The following SLC71A1 variants were observed in gnomAD, a reference collection of about 807,000 sequenced individuals.
SLC71A1 encodes the protein hippocampus abundant gene transcript 1.
chr1:100,039,984 C>T, the SLC71A1 span, among the ~76,000 whole-genome samples: 1 of 152,150 alleles, frequency 6.6e-6, no homozygotes, highest in East Asian at 1.9e-4. Flanking sequence ...AATTCTTAGC[C>T]TGCTTTGGGA....
At chr1:100,048,019 A>G in the SLC71A1 span, among the ~76,000 whole-genome samples, 1 of 152,118 alleles carries the variant, frequency 6.6e-6, no homozygotes, top group Non-Finnish European at 1.5e-5. Context: ...ATTGTTTTTC[A>G]GAGTTGAAAT....
the SLC71A1 span, chr1:100,069,783 A>T: frequency 2.6e-6 from 2 of 783,164 alleles, no homozygotes; most frequent in Non-Finnish European, 4.5e-6. Context: ...GAATCAACAA[A>T]GTCAGGAGTC....
chr1:100,068,692 A>G, the SLC71A1 span: 17 of 728,990 alleles, frequency 2.3e-5, no homozygotes, highest in Middle Eastern at 2.6e-4. Context: ...TTAAAAATGA[A>G]TATCATTGGA....
chr1:100,066,060 A>AACAG, the SLC71A1 span, among the ~76,000 whole-genome samples: 47 of 152,276 alleles, frequency 3.1e-4, no homozygotes, highest in African/African-American at 1.1e-3. Flanking sequence ...GTCTGCGGTT[A>AACAG]ACAGGTTTGC....
the SLC71A1 span, among the ~76,000 whole-genome samples, chr1:100,055,767 T>G: frequency 6.6e-6 from 1 of 152,140 alleles, no homozygotes; most frequent in African/African-American, 2.4e-5. Context: ...GTTTTTTGTT[T>G]TTTTGAGACG....
At chr1:100,074,837 T>C in the SLC71A1 span, among the ~76,000 whole-genome samples, 1 of 151,838 alleles carries the variant, frequency 6.6e-6, no homozygotes. Context: ...ATTGTGACAC[T>C]GCACTCTAGC....
At chr1:100,056,878 G>T in the SLC71A1 span, among the ~76,000 whole-genome samples, 4 of 152,108 alleles carry the variant, frequency 2.6e-5, no homozygotes, top group African/African-American at 9.7e-5. Flanking sequence ...TTTAACTGGG[G>T]TGAGATGATA....
At chr1:100,078,303 G>A in the SLC71A1 span, 2 of 568,844 alleles carry the variant, frequency 3.5e-6, no homozygotes, top group African/African-American at 3.8e-5. Flanking sequence ...AGATTGTTAA[G>A]CGACTTGCCC....
the SLC71A1 span, among the ~76,000 whole-genome samples, chr1:100,074,259 G>A: frequency 6.6e-6 from 1 of 152,148 alleles, no homozygotes; most frequent in Admixed American, 6.5e-5. Context: ...CAATTTTAAT[G>A]ACTCATCTCA....
the SLC71A1 span, among the ~76,000 whole-genome samples, chr1:100,060,799 G>A: frequency 6.6e-6 from 1 of 151,834 alleles, no homozygotes; most frequent in Admixed American, 6.6e-5. Flanking sequence ...CTAACAAAAA[G>A]GGAATAATTG....
chr1:100,063,082 C>T, the SLC71A1 span, among the ~76,000 whole-genome samples: 1 of 152,018 alleles, frequency 6.6e-6, no homozygotes, highest in East Asian at 1.9e-4. Flanking sequence ...GAGTATAGTT[C>T]AGTGAATTTT....
the SLC71A1 span, chr1:100,049,950 C>T: frequency 4.3e-6 from 7 of 1,610,088 alleles, no homozygotes; most frequent in Admixed American, 1.7e-5. Context: ...ATGCAGTTAT[C>T]GTCATCTTTT....
At chr1:100,082,484 A>T in the SLC71A1 span, 2 of 404,740 alleles carry the variant, frequency 4.9e-6, no homozygotes, top group Admixed American at 4.0e-5. Flanking sequence ...ATTAAAAACT[A>T]TATATGTAAC....
the SLC71A1 span, among the ~76,000 whole-genome samples, chr1:100,056,732 T>C: frequency 2.0e-5 from 3 of 152,238 alleles, no homozygotes; most frequent in African/African-American, 7.2e-5. Flanking sequence ...GATCATATGG[T>C]AGCTCCATTT....
the SLC71A1 span, among the ~76,000 whole-genome samples, chr1:100,045,806 CTG>C: frequency 7.0e-6 from 1 of 143,876 alleles, no homozygotes; most frequent in African/African-American, 2.5e-5. Context: ...CGGGGAGACT[CTG>C]TCTCAAAATA....
chr1:100,082,293 C>A, the SLC71A1 span: 1 of 1,027,118 alleles, frequency 9.7e-7, no homozygotes, highest in East Asian at 2.5e-5. Flanking sequence ...CATTTCCATC[C>A]ACAGTGTACT....
At chr1:100,061,897 C>CA in the SLC71A1 span, 1 of 1,613,544 alleles carries the variant, frequency 6.2e-7, no homozygotes, top group Non-Finnish European at 8.5e-7. Context: ...GTGGTATTTG[C>CA]ATACGTAGCA....
the SLC71A1 span, among the ~76,000 whole-genome samples, chr1:100,075,964 CACTGTGCCTGG>C: frequency 2.2e-4 from 34 of 152,300 alleles, no homozygotes; most frequent in African/African-American, 7.5e-4. Flanking sequence ...AGATATGAGT[CACTGTGCCTGG>C]CCTAAATGTT....
the SLC71A1 span, chr1:100,082,311 T>A: frequency 1.1e-6 from 1 of 903,950 alleles, no homozygotes; most frequent in Non-Finnish European, 1.7e-6. Context: ...ACTTTAAGAT[T>A]GTCTTAAGAA....
Sources: allele counts gnomAD v4.1 joint callset (sites outside exome capture counted in the v4.1 genomes callset), GRCh38; gene constraint gnomAD v4.1.1; transcripts MANE v1.5; gene names NCBI Gene and HGNC (gene_info 2026-07-23, HGNC 2026-07-21).